Variants in DLGAP2 observed in about 807,000 individuals in gnomAD.
The protein encoded by DLGAP2 is DLG associated protein 2.
DLGAP2 carries 26 observed loss-of-function variants against 100.3 expected under a neutral mutation model. That is an observed-to-expected ratio of 0.26 (90% CI 0.19 to 0.36). The LOEUF (loss-of-function observed/expected upper bound fraction) is 0.36. DLGAP2 is among the 10% of genes least tolerant of loss of function. DLGAP2 has a pLI of 1.00. For missense variants in DLGAP2, 1,858 were observed against 1,453.2 expected (o/e 1.28, Z -4.53); for synonymous variants, 886 against 630.1 (o/e 1.41, Z -6.08).
intron 2 of DLGAP2, among the ~76,000 whole-genome samples, chr8:948,681 C>G (rs1295270558): frequency 6.6e-6 from 1 of 152,246 alleles, no homozygotes; most frequent in East Asian, 1.9e-4. Flanking sequence ...CGGCGCTGCC[C>G]GGCCCCACGT....
chr8:1,675,368 G>A (rs1798788346), intron 10 of DLGAP2, among the ~76,000 whole-genome samples: 4 of 152,182 alleles, frequency 2.6e-5, no homozygotes, highest in Admixed American at 2.6e-4. Flanking sequence ...CTCTCTCCTG[G>A]GGCTGGAAAC....
chr8:1,086,079 G>A (rs1585045515), intron 2 of DLGAP2, among the ~76,000 whole-genome samples: 1 of 152,264 alleles, frequency 6.6e-6, no homozygotes, highest in Non-Finnish European at 1.5e-5. Context: ...TATTGTTAGT[G>A]TAGAGAAACA....
intron 2 of DLGAP2, among the ~76,000 whole-genome samples, chr8:1,094,194 C>G (rs970931877): frequency 6.6e-6 from 1 of 152,208 alleles, no homozygotes; most frequent in Non-Finnish European, 1.5e-5. Flanking sequence ...AGGCAGGGAA[C>G]TGGGACTGGC....
At chr8:1,469,851 A>G (rs1261398765) in intron 3 of DLGAP2, among the ~76,000 whole-genome samples, 1 of 152,162 alleles carries the variant, frequency 6.6e-6, no homozygotes. Flanking sequence ...CACAAAATAC[A>G]GACTCCTATA....
intron 3 of DLGAP2, among the ~76,000 whole-genome samples, chr8:1,465,372 G>T (rs1276668604): frequency 6.6e-6 from 1 of 151,978 alleles, no homozygotes; most frequent in Non-Finnish European, 1.5e-5. Flanking sequence ...CAGATGAAGA[G>T]ATGAGCAGAG....
rs773304141 is a variant in DLGAP2, at chr8:1,494,549, T to G, written c.107-6817T>G. ...TTTGAGACAAGCCTGGCCAACATGATGAAACCCCGTCTCTACTAAAAATAC... is the reference window on the plus strand; with the variant it reads ...TTTGAGACAAGCCTGGCCAACATGAGGAAACCCCGTCTCTACTAAAAATAC... On this transcript the variant is annotated intron_variant, in intron 3 of 14. Coordinates refer to ENST00000637795, the MANE Select transcript of DLGAP2 (RefSeq NM_001346810.2). Among the ~76,000 whole-genome samples, 5 of 152,240 alleles carry G rather than the reference T, an allele frequency of 3.3e-5. No individual in the cohort carries two copies. The East Asian group carries it at 7.8e-4, about 24-fold the overall frequency.
chr8:1,291,439 A>T (rs972925534), intron 3 of DLGAP2, among the ~76,000 whole-genome samples: 1 of 152,068 alleles, frequency 6.6e-6, no homozygotes, highest in Non-Finnish European at 1.5e-5. Flanking sequence ...CAAAGGGAAA[A>T]TTTTGCATGG....
At chr8:1,658,431 G>T (rs13268910) in intron 8 of DLGAP2, among the ~76,000 whole-genome samples, 1 of 152,024 alleles carries the variant, frequency 6.6e-6, no homozygotes, top group Non-Finnish European at 1.5e-5. Flanking sequence ...TACATGTGCA[G>T]AACGTGCAGT....
intron 3 of DLGAP2, among the ~76,000 whole-genome samples, chr8:1,344,041 C>G (rs899656741): frequency 1.3e-5 from 2 of 152,166 alleles, no homozygotes; most frequent in African/African-American, 2.4e-5. Flanking sequence ...ACAGAATAAA[C>G]AGGTCCTGTC....
chr8:1,255,916 A>G (rs868709771), intron 2 of DLGAP2, among the ~76,000 whole-genome samples: 38 of 29,326 alleles, frequency 1.3e-3, no homozygotes, highest in Non-Finnish European at 1.8e-3. Flanking sequence ...TCTCCTGCCC[A>G]GGTGCTGTGT....
chr8:1,470,308 A>G (rs1474151177), intron 3 of DLGAP2, among the ~76,000 whole-genome samples: 2 of 152,072 alleles, frequency 1.3e-5, no homozygotes, highest in African/African-American at 4.8e-5. Flanking sequence ...CTCAGCCCCC[A>G]ATGCCATCCT....
intron 6 of DLGAP2, among the ~76,000 whole-genome samples, chr8:1,573,210 T>A (rs546900678): frequency 8.7e-5 from 11 of 126,340 alleles, no homozygotes; most frequent in African/African-American, 2.9e-4. Flanking sequence ...GGGCATCTGA[T>A]GAGATGGAGA....
At chr8:1,093,290 C>A (rs1050560170) in intron 2 of DLGAP2, among the ~76,000 whole-genome samples, 1 of 147,102 alleles carries the variant, frequency 6.8e-6, no homozygotes, top group Admixed American at 6.9e-5. Context: ...GCCAGAAACA[C>A]CTTCACACTG....
At chr8:1,097,720 C>G (rs181413386) in intron 2 of DLGAP2, among the ~76,000 whole-genome samples, 4,302 of 101,846 alleles carry the variant, frequency 0.042, 3 homozygotes, top group East Asian at 0.096. Context: ...CCAGCTCCCT[C>G]TGCTCAGGAG....
intron 8 of DLGAP2, among the ~76,000 whole-genome samples, chr8:1,653,476 C>T (rs1485646539): frequency 6.6e-6 from 1 of 152,228 alleles, no homozygotes; most frequent in East Asian, 1.9e-4. Context: ...CGTTCATGCT[C>T]AGCTAGCTCA....
intron 2 of DLGAP2, among the ~76,000 whole-genome samples, chr8:1,180,682 C>T (rs1797364836): frequency 6.7e-6 from 1 of 150,242 alleles, no homozygotes; most frequent in Non-Finnish European, 1.5e-5. Context: ...TGTGCCAGGG[C>T]AGTACAATTA....
Position 1,007,100 on chromosome 8 carries a change from G to A in DLGAP2, c.73+99134G>A, listed in dbSNP as rs1019279321. On this transcript the variant is annotated intron_variant, in intron 2 of 14. Transcript: ENST00000637795. Reference sequence around the variant, plus strand: ...TCAGAATACGGTCCTTTATCATGTCGGGGACGCCGTGTGTCTGAAGTCTCA... The same window carrying A: ...TCAGAATACGGTCCTTTATCATGTCAGGGACGCCGTGTGTCTGAAGTCTCA... Among the ~76,000 whole-genome samples the A allele has an allele frequency of 7.7e-4, 116 of 151,540 alleles. 2 individuals are homozygous for A. Among genetic ancestry groups the A allele is most frequent in the South Asian group, 6.9e-3 (33 of 4,762 alleles).
At chr8:1,181,423 C>T (rs1043760582) in intron 2 of DLGAP2, among the ~76,000 whole-genome samples, 23 of 152,300 alleles carry the variant, frequency 1.5e-4, no homozygotes, top group Admixed American at 3.9e-4. Context: ...ATCCATGTTC[C>T]TGCAGGGCAC....
At chr8:913,907 C>A (rs902949169) in intron 2 of DLGAP2, among the ~76,000 whole-genome samples, 6 of 152,196 alleles carry the variant, frequency 3.9e-5, no homozygotes, top group African/African-American at 1.4e-4. Flanking sequence ...TGGGCACGGC[C>A]CCCGGAGCCC....
Sources: gnomAD v4.1 joint callset for allele counts (sites outside exome capture counted in the v4.1 genomes callset) on GRCh38, gnomAD v4.1.1 for gene constraint, MANE v1.5 for transcripts, NCBI Gene and HGNC (gene_info 2026-07-23, HGNC 2026-07-21) for gene names.